Variants in VAX2 observed in about 807,000 individuals in gnomAD.
VAX2 encodes the protein ventral anterior homeobox 2.
VAX2 carries 8 observed loss-of-function variants against 12.5 expected under a neutral mutation model. That is an observed-to-expected ratio of 0.64 (90% CI 0.37 to 1.15). VAX2 has a LOEUF of 1.15. Among genes scored for constraint, VAX2 ranks in the 50% most tolerant of loss-of-function variants. VAX2 has a pLI of 0.01. For missense variants in VAX2, 476 were observed against 412.9 expected (o/e 1.15, Z -1.32); for synonymous variants, 183 against 187.6 (o/e 0.98, Z 0.20).
chr2:70,929,626 G>T (rs1679649062), intron 2 of VAX2, among the ~76,000 whole-genome samples: 1 of 150,908 alleles, frequency 6.6e-6, no homozygotes, highest in Non-Finnish European at 1.5e-5. Context: ...GGTGGAAGTT[G>T]CAGTGAGCCG....
intron 2 of VAX2, among the ~76,000 whole-genome samples, chr2:70,931,874 A>G (rs1184183796): frequency 1.3e-5 from 2 of 152,170 alleles, no homozygotes; most frequent in African/African-American, 4.8e-5. Flanking sequence ...AGAGGCTTCC[A>G]TTTTTTCTCT....
At chr2:70,900,950 C>T in intron 1 of VAX2, 82 bp downstream of exon 1, 1 of 1,197,080 alleles carries the variant, frequency 8.4e-7, no homozygotes, top group Non-Finnish European at 1.1e-6. Context: ...GCAGCTGACA[C>T]CTCTCAATTC....
At chr2:70,918,044 A>G (rs1679346833) in intron 1 of VAX2, among the ~76,000 whole-genome samples, 1 of 152,204 alleles carries the variant, frequency 6.6e-6, no homozygotes, top group African/African-American at 2.4e-5. Context: ...GGTCACACAT[A>G]TTATCCTATC....
At chr2:70,901,960 T>A (rs1342669722) in intron 1 of VAX2, among the ~76,000 whole-genome samples, 1 of 152,182 alleles carries the variant, frequency 6.6e-6, no homozygotes, top group Non-Finnish European at 1.5e-5. Flanking sequence ...TCCAGCCTCT[T>A]CACACGCGCC....
intron 1 of VAX2, among the ~76,000 whole-genome samples, chr2:70,917,203 C>T (rs1189202583): frequency 1.4e-5 from 2 of 145,934 alleles, no homozygotes; most frequent in East Asian, 4.0e-4. Context: ...GTGCCTGTAA[C>T]CCCAGCTACT....
intron 2 of VAX2, among the ~76,000 whole-genome samples, chr2:70,929,991 G>A (rs782198075): frequency 2.6e-5 from 4 of 152,178 alleles, no homozygotes; most frequent in Non-Finnish European, 4.4e-5. Flanking sequence ...GATAAATGAA[G>A]CAATCAACCT....
intron 1 of VAX2, among the ~76,000 whole-genome samples, chr2:70,911,862 T>C (rs1303208792): frequency 6.6e-6 from 1 of 152,242 alleles, no homozygotes; most frequent in African/African-American, 2.4e-5. Context: ...TCCCCATCTG[T>C]CTCTTACCCT....
chr2:70,910,804 A>AT (rs1679165641), intron 1 of VAX2, among the ~76,000 whole-genome samples: 1 of 149,336 alleles, frequency 6.7e-6, no homozygotes, highest in Non-Finnish European at 1.5e-5. Context: ...ACAAAACAAA[A>AT]CAAAAAACCC....
intron 2 of VAX2, among the ~76,000 whole-genome samples, chr2:70,930,304 C>A (rs1679664965): frequency 1.3e-5 from 2 of 152,212 alleles, no homozygotes; most frequent in South Asian, 4.1e-4. Context: ...TGCTTCCCCA[C>A]TCAGAACAGC....
At chr2:70,906,011 T>A (rs1553410557) in intron 1 of VAX2, among the ~76,000 whole-genome samples, 2 of 152,248 alleles carry the variant, frequency 1.3e-5, no homozygotes, top group Non-Finnish European at 2.9e-5. Context: ...ATATGAATTT[T>A]GCCTATTTGC....
intron 2 of VAX2, among the ~76,000 whole-genome samples, chr2:70,926,597 TG>T (rs1679578437): frequency 1.3e-5 from 2 of 152,178 alleles, no homozygotes; most frequent in Admixed American, 1.3e-4. Flanking sequence ...AAAATACAGA[TG>T]CCTGTGCCAC....
intron 1 of VAX2, among the ~76,000 whole-genome samples, chr2:70,918,863 C>CA (rs531465293): frequency 0.028 from 2,759 of 99,350 alleles, 99 homozygotes; most frequent in African/African-American, 0.09. Flanking sequence ...CCAGCCGTCT[C>CA]AAAAAAAAAA....
Position 70,900,757 on chromosome 2 carries a change from G to T in VAX2, c.136G>T (p.Val46Leu), listed in dbSNP as rs200413581. ...TGGCGGTGGCCACAGCCCAACGGAG[G>T]TGGCCGGGACCTCAGCCTCCAGTCC... Reference protein sequence around the residue: ...ADGGGHSPTEVAGTSASSPAG... With the variant: ...ADGGGHSPTELAGTSASSPAG... Residue 46 changes from valine (V) to leucine (L), a missense_variant, in exon 1 of 3, where the codon GTG (valine) becomes TTG (leucine). Transcript: ENST00000234392. 6.7e-7 allele frequency: 1 copy of T among 1,486,864 alleles called. No homozygotes were observed. Among genetic ancestry groups the T allele is most frequent in the Non-Finnish European group, 8.9e-7 (1 of 1,118,044 alleles). 92.1% of individuals were successfully genotyped at this position (1,486,864 alleles called of 1,614,324 possible).
chr2:70,912,052 A>G (rs1329018077), intron 1 of VAX2, among the ~76,000 whole-genome samples: 3 of 152,202 alleles, frequency 2.0e-5, no homozygotes, highest in Non-Finnish European at 4.4e-5. Context: ...TTCAAAAGCT[A>G]TGTCTCTAAT....
rs1314127727 is a variant in VAX2 at position 70,900,817 on chromosome 2, G to T, written c.196G>T (p.Gly66Trp). Reference protein sequence around the residue: ...GSRESGADSDGQPGPGEADHC... With the variant: ...GSRESGADSDWQPGPGEADHC... Reference sequence around the variant, plus strand: ...CAGGGAGAGTGGAGCCGACAGCGACGGGCAGCCCGGGCCCGGCGAGGCAGA... The same window carrying T: ...CAGGGAGAGTGGAGCCGACAGCGACTGGCAGCCCGGGCCCGGCGAGGCAGA... Residue 66 changes from glycine (G) to tryptophan (W), a missense_variant, in exon 1 of 3, where the codon GGG becomes TGG. Coordinates refer to ENST00000234392, the MANE Select transcript of VAX2 (RefSeq NM_012476.3). 2.7e-6 allele frequency: 4 copies of T among 1,484,750 alleles called. No individual in the cohort carries two copies. The highest frequency in any genetic ancestry group is 3.6e-6 in the Non-Finnish European group (4 of 1,117,804). The allele number at this position is 1,484,750 out of a possible 1,614,324, so 92.0% of individuals were successfully genotyped here.
At chr2:70,912,311 T>C (rs1244373083) in intron 1 of VAX2, among the ~76,000 whole-genome samples, 1 of 152,216 alleles carries the variant, frequency 6.6e-6, no homozygotes, top group Non-Finnish European at 1.5e-5. Flanking sequence ...GGAATTTTTA[T>C]AGCAATCACA....
chr2:70,901,345 G>A (rs533800786), intron 1 of VAX2, among the ~76,000 whole-genome samples: 1 of 152,362 alleles, frequency 6.6e-6, no homozygotes, highest in African/African-American at 2.4e-5. Context: ...CGCGTTTCCC[G>A]TCCCCGGCAA....
At chr2:70,908,865 C>T (rs1679122621) in intron 1 of VAX2, among the ~76,000 whole-genome samples, 1 of 152,176 alleles carries the variant, frequency 6.6e-6, no homozygotes, top group Non-Finnish European at 1.5e-5. Context: ...AGTTATTCTG[C>T]AGGAGAAGTT....
chr2:70,917,925 G>A (rs1176464386), intron 1 of VAX2, among the ~76,000 whole-genome samples: 1 of 152,208 alleles, frequency 6.6e-6, no homozygotes, highest in African/African-American at 2.4e-5. Context: ...GATAAAATCA[G>A]TGCCTTTGAG....
Sources: gnomAD v4.1 joint callset for allele counts (sites outside exome capture counted in the v4.1 genomes callset) on GRCh38, gnomAD v4.1.1 for gene constraint, MANE v1.5 for transcripts, NCBI Gene and HGNC (gene_info 2026-07-23, HGNC 2026-07-21) for gene names.